SGCD: variants seen among roughly 807,000 people sequenced by gnomAD.
SGCD encodes sarcoglycan delta.
SGCD carries 18 observed loss-of-function variants against 36.6 expected under a neutral mutation model. The ratio of observed to expected loss-of-function variants is 0.49; its 90% CI spans 0.34 to 0.73. The LOEUF is 0.73. Among genes scored for constraint, SGCD ranks in the 30% least tolerant of loss-of-function variants. The pLI, the probability that SGCD is intolerant of heterozygous loss-of-function variation, is 0.01. For synonymous variants in SGCD, 133 were observed against 130.6 expected (o/e 1.02, Z -0.12); for missense variants, 387 against 346.7 (o/e 1.12, Z -0.92).
chr5:156,205,055 T>A (rs1183655224), intron 3 of SGCD, among the ~76,000 whole-genome samples: 1 of 152,108 alleles, frequency 6.6e-6, no homozygotes, highest in African/African-American at 2.4e-5. Context: ...TGTTTTTCTA[T>A]AATAGCATAT....
chr5:155,903,108 G>T (rs1756425151), intron 1 of SGCD, among the ~76,000 whole-genome samples: 1 of 152,156 alleles, frequency 6.6e-6, no homozygotes, highest in Non-Finnish European at 1.5e-5. Context: ...GTGTGAGTTT[G>T]TGTGTTCTAT....
intron 1 of SGCD, among the ~76,000 whole-genome samples, chr5:155,927,842 A>G (rs527677859): frequency 6.6e-6 from 1 of 152,326 alleles, no homozygotes; most frequent in African/African-American, 2.4e-5. Context: ...TGAGTGGCAT[A>G]CCAACTTCTG....
intron 1 of SGCD, among the ~76,000 whole-genome samples, chr5:155,882,520 A>G (rs970775249): frequency 6.6e-6 from 1 of 152,260 alleles, no homozygotes; most frequent in South Asian, 2.1e-4. Context: ...TTGAAAGTCA[A>G]AATTACTTAT....
chr5:155,814,226 C>T, the SGCD span, among the ~76,000 whole-genome samples: 5 of 152,146 alleles, frequency 3.3e-5, no homozygotes, highest in South Asian at 4.1e-4. Context: ...TACCTTGGTC[C>T]TCTCCACTTC....
In SGCD at chr5:156,498,935, C is replaced by CGTGTGT. The variant is rs71577198; in HGVS notation, c.193-9643_193-9638dup. ...CAGGTTCTTGCCATCATGTGTGCTA[C>CGTGTGT]GTGTGTGTGTGTGTGTGTGTGTGTG... is the stretch of plus-strand genomic sequence containing the variant. On this transcript the variant is annotated intron_variant, in intron 3 of 8. Transcript: ENST00000337851. Among the ~76,000 whole-genome samples the CGTGTGT allele has an allele frequency of 3.4e-4, 51 of 149,456 alleles. No homozygotes were observed. The Middle Eastern group carries it at 0.017, about 50-fold the overall frequency.
At chr5:155,837,832 G>T in the SGCD span, among the ~76,000 whole-genome samples, 2 of 152,134 alleles carry the variant, frequency 1.3e-5, no homozygotes, top group Non-Finnish European at 2.9e-5. Flanking sequence ...ATCCTGTGGG[G>T]GTGTTGAAAC....
intron 4 of SGCD, among the ~76,000 whole-genome samples, chr5:156,540,039 C>T (rs1032643017): frequency 6.6e-6 from 1 of 152,096 alleles, no homozygotes; most frequent in South Asian, 2.1e-4. Context: ...ACCTTGAAAA[C>T]ATAAACAATT....
intron 4 of SGCD, among the ~76,000 whole-genome samples, chr5:156,568,889 C>T (rs1479023426): frequency 6.6e-6 from 1 of 152,218 alleles, no homozygotes; most frequent in Non-Finnish European, 1.5e-5. Flanking sequence ...TGTAATATCA[C>T]TGATCATATC....
chr5:156,592,793 C>A (rs768433505), intron 5 of SGCD, among the ~76,000 whole-genome samples: 5 of 152,170 alleles, frequency 3.3e-5, no homozygotes, highest in Non-Finnish European at 7.4e-5. Flanking sequence ...TCTGCTGTTT[C>A]AATCTCCTAC....
intron 1 of SGCD, among the ~76,000 whole-genome samples, chr5:155,931,337 C>A (rs1757093856): frequency 6.6e-6 from 1 of 152,058 alleles, no homozygotes; most frequent in South Asian, 2.1e-4. Flanking sequence ...GTATTTTATT[C>A]AAAATTGCTT....
chr5:155,729,868 C>G, the SGCD span, among the ~76,000 whole-genome samples: 521 of 152,316 alleles, frequency 3.4e-3, 1 homozygote, highest in Non-Finnish European at 6.0e-3. Context: ...TTCAGCTGGG[C>G]AGCACGGAGT....
intron 1 of SGCD, among the ~76,000 whole-genome samples, chr5:156,080,667 A>G (rs568885783): frequency 1.3e-5 from 2 of 152,354 alleles, no homozygotes; most frequent in East Asian, 3.9e-4. Context: ...CTAGGGCATG[A>G]ACACAATGCA....
chr5:156,334,003 C>T (rs995254646), intron 2 of SGCD, among the ~76,000 whole-genome samples: 70 of 151,490 alleles, frequency 4.6e-4, no homozygotes, highest in African/African-American at 1.7e-3. Context: ...TAAGTCACTT[C>T]ACCTCCCTGA....
intron 3 of SGCD, 96 bp downstream of exon 3, chr5:156,344,773 T>A: frequency 1.1e-6 from 1 of 898,772 alleles, no homozygotes; most frequent in Non-Finnish European, 1.7e-6. Context: ...ATTATTACAG[T>A]AGGACTCAAA....
At chr5:155,868,539 G>T (rs560638259), upstream of SGCD, among the ~76,000 whole-genome samples, 1 of 151,986 alleles carries the variant, frequency 6.6e-6, no homozygotes, top group South Asian at 2.1e-4. Context: ...AAATAAACTG[G>T]TGCCTCATGT....
At chr5:156,209,173 AT>A (rs1764371145) in intron 3 of SGCD, among the ~76,000 whole-genome samples, 1 of 152,148 alleles carries the variant, frequency 6.6e-6, no homozygotes, top group Non-Finnish European at 1.5e-5. Context: ...GCCAGGCAGA[AT>A]TTCACAGCCT....
intron 7 of SGCD, among the ~76,000 whole-genome samples, chr5:156,657,009 C>T (rs545131032): frequency 6.6e-6 from 1 of 152,108 alleles, no homozygotes; most frequent in South Asian, 2.1e-4. Flanking sequence ...TTAGACAAGG[C>T]TTGCACAAGT....
intron 7 of SGCD, among the ~76,000 whole-genome samples, chr5:156,736,434 T>C (rs1019489335): frequency 2.6e-5 from 4 of 152,192 alleles, no homozygotes; most frequent in Non-Finnish European, 5.9e-5. Context: ...GGATATTGTA[T>C]ATGGTACAAC....
At chr5:155,963,695 T>A (rs551440431) in intron 1 of SGCD, among the ~76,000 whole-genome samples, 1 of 152,186 alleles carries the variant, frequency 6.6e-6, no homozygotes, top group South Asian at 2.1e-4. Context: ...CCATGACCAA[T>A]AAAGGTGATT....
Sources: allele counts gnomAD v4.1 joint callset (sites outside exome capture counted in the v4.1 genomes callset), GRCh38; gene constraint gnomAD v4.1.1; transcripts MANE v1.5; gene names NCBI Gene and HGNC (gene_info 2026-07-23, HGNC 2026-07-21).